EIF2B3: variants seen among roughly 807,000 people sequenced by gnomAD.
The protein encoded by EIF2B3 is translation initiation factor eIF2B subunit gamma.
A neutral mutation model predicts 54.1 loss-of-function variants in EIF2B3; 20 were observed. The ratio of observed to expected loss-of-function variants is 0.37; its 90% CI spans 0.26 to 0.54. The LOEUF (loss-of-function observed/expected upper bound fraction) is 0.54, where lower values mean the gene tolerates loss of function less well. Among genes scored for constraint, EIF2B3 ranks in the 20% least tolerant of loss-of-function variants. The probability of loss-of-function intolerance (pLI) is 0.86; values close to 1 mark genes in which losing one functional copy is unlikely to be tolerated. For synonymous variants in EIF2B3, 153 were observed against 188.1 expected, an observed-to-expected ratio of 0.81 and a Z score of 1.52; for missense variants, 448 against 547.8, an observed-to-expected ratio of 0.82 and a Z score of 1.82.
chr1:44,923,842 C>T (rs1193944283), intron 5 of EIF2B3, among the ~76,000 whole-genome samples: 1 of 151,696 alleles, frequency 6.6e-6, no homozygotes, highest in Non-Finnish European at 1.5e-5. Flanking sequence ...CTCACTCTGT[C>T]ACCCAGCCTG....
chr1:44,878,135 T>C (rs1267237329), intron 8 of EIF2B3, among the ~76,000 whole-genome samples: 1 of 152,206 alleles, frequency 6.6e-6, no homozygotes, highest in Non-Finnish European at 1.5e-5. Flanking sequence ...CTATGATTTC[T>C]CATAAGCTCT....
chr1:44,945,251 G>A lies in EIF2B3; in HGVS notation c.295-3586C>T, dbSNP rs533036424. Among the ~76,000 whole-genome samples the A allele has an allele frequency of 5.3e-3, 774 of 145,442 alleles. 4 individuals carry two copies. Among genetic ancestry groups the A allele is most frequent in the East Asian group, 8.2e-3 (41 of 4,984 alleles). ...AATTCTTTTTAGATTTTAACTCTGA[G>A]ACTAAAAAAAAAAAAAGTTCCCACT... On this transcript the variant is annotated intron_variant, in intron 3 of 11. Coordinates refer to ENST00000360403, the MANE Select transcript of EIF2B3 (RefSeq NM_020365.5).
At chr1:44,971,158 C>T (rs1000604739) in intron 3 of EIF2B3, among the ~76,000 whole-genome samples, 5 of 152,014 alleles carry the variant, frequency 3.3e-5, no homozygotes, top group African/African-American at 7.2e-5. Flanking sequence ...CCGAGGCGGG[C>T]GGATCCCGAA....
At chr1:44,930,528 G>T (rs1450037148) in intron 4 of EIF2B3, among the ~76,000 whole-genome samples, 1 of 152,230 alleles carries the variant, frequency 6.6e-6, no homozygotes, top group South Asian at 2.1e-4. Flanking sequence ...CTGCTGTCAT[G>T]CTTAGAACCT....
chr1:44,936,235 T>C lies in EIF2B3; in HGVS notation c.454+5271A>G, dbSNP rs150765888. On this transcript the variant is annotated intron_variant, in intron 4 of 11. Transcript: ENST00000360403. ...GAGAAAAAAATTTTTTTTTCAAAAG[T>C]TGGTACATTCTAGAAAATGCTAGAA... Among the ~76,000 whole-genome samples, 781 of 152,168 alleles carry C rather than the reference T, an allele frequency of 5.1e-3. 4 individuals are homozygous for C. The highest frequency in any genetic ancestry group is 8.1e-3 in the East Asian group (42 of 5,178).
intron 4 of EIF2B3, among the ~76,000 whole-genome samples, chr1:44,927,463 A>G (rs371668790): frequency 3.9e-5 from 6 of 152,104 alleles, no homozygotes; most frequent in Non-Finnish European, 7.4e-5. Context: ...CCAAGCCATG[A>G]GGGATCCGCA....
At chr1:44,885,826 C>T (rs1655561218) in intron 6 of EIF2B3, among the ~76,000 whole-genome samples, 1 of 151,984 alleles carries the variant, frequency 6.6e-6, no homozygotes, top group African/African-American at 2.4e-5. Flanking sequence ...CCTCCGCCTC[C>T]CAGGTTCAAG....
At position 44,868,613 on chromosome 1, in the gene EIF2B3, G is replaced by T. The variant is rs188237622; in HGVS notation, c.1202+6065C>A. ...AAAGTGCTGGGATTACAGGTTGCAG[G>T]TGTGACCCACTGTGTCCGGCCCTGC... On this transcript the variant is annotated intron_variant, in intron 10 of 11. Coordinates refer to ENST00000360403, the MANE Select transcript of EIF2B3 (RefSeq NM_020365.5). 2.2e-4 allele frequency among the ~76,000 whole-genome samples: 33 copies of T among 152,008 alleles called. No individual in the cohort carries two copies. The East Asian group carries it at 5.0e-3, about 23-fold the overall frequency.
At chr1:44,863,667 C>A (rs1016135901) in intron 10 of EIF2B3, among the ~76,000 whole-genome samples, 1 of 152,172 alleles carries the variant, frequency 6.6e-6, no homozygotes, top group Admixed American at 6.5e-5. Flanking sequence ...TCTTTCATCC[C>A]ATTTCCTTCC....
At chr1:44,888,552 A>G (rs1366707043) in intron 6 of EIF2B3, among the ~76,000 whole-genome samples, 1 of 152,038 alleles carries the variant, frequency 6.6e-6, no homozygotes, top group Non-Finnish European at 1.5e-5. Context: ...TCTCCTCTGT[A>G]AAGTTTTGAT....
At chr1:44,867,904 G>T (rs1317585023) in intron 10 of EIF2B3, among the ~76,000 whole-genome samples, 1 of 151,650 alleles carries the variant, frequency 6.6e-6, no homozygotes, top group African/African-American at 2.4e-5. Flanking sequence ...GCCGTGTAGT[G>T]GCACACGCCC....
intron 10 of EIF2B3, 85 bp from the exon 11 acceptor site, chr1:44,857,892 C>A: frequency 1.5e-6 from 2 of 1,322,328 alleles, no homozygotes; most frequent in South Asian, 2.4e-5. Context: ...TGGCTCCTCC[C>A]TAGGCCAGGA....
chr1:44,983,942 A>G (rs1392311008), intron 1 of EIF2B3, among the ~76,000 whole-genome samples: 11 of 151,888 alleles, frequency 7.2e-5, no homozygotes, highest in Non-Finnish European at 1.5e-5. Flanking sequence ...TCCTAACCTT[A>G]GGTGATCCAC....
In EIF2B3 at chr1:44,969,532, T is replaced by C. The variant is rs145209703; in HGVS notation, c.294+8783A>G. ...GTTTTTTACTGTTTTTTAGAAGTGA[T>C]AGTGGTATTTCTAAAAAGTGCCCTT... On this transcript the variant is annotated intron_variant, in intron 3 of 11. Coordinates refer to ENST00000360403, the MANE Select transcript of EIF2B3 (RefSeq NM_020365.5). Among the ~76,000 whole-genome samples, 918 of 152,298 alleles carry C rather than the reference T, an allele frequency of 6.0e-3. 11 individuals carry two copies. The highest frequency in any genetic ancestry group is 0.021 in the African/African-American group (876 of 41,570).
chr1:44,862,858 A>G (rs902997006), intron 10 of EIF2B3: 2 of 151,978 alleles, frequency 1.3e-5, no homozygotes, highest in Non-Finnish European at 2.9e-5. Flanking sequence ...CAGCCTCCCA[A>G]AGTGTTGGGA....
At chr1:44,851,471 T>A (rs1654269945) in intron 11 of EIF2B3, among the ~76,000 whole-genome samples, 2 of 152,198 alleles carry the variant, frequency 1.3e-5, no homozygotes, top group Admixed American at 6.5e-5. Flanking sequence ...AGAGAGCACC[T>A]TCCTATGCAG....
At chr1:44,857,832 G>C in intron 10 of EIF2B3, 25 bp from the exon 11 acceptor site, 1 of 1,609,230 alleles carries the variant, frequency 6.2e-7, no homozygotes, top group Non-Finnish European at 8.5e-7. Context: ...CCAAGTTAGG[G>C]AGGACCCAAG....
chr1:44,867,867 T>TAAAA (rs768045271), intron 10 of EIF2B3, among the ~76,000 whole-genome samples: 1 of 99,484 alleles, frequency 1.0e-5, no homozygotes, highest in African/African-American at 3.8e-5. Context: ...ATTCTGTCTC[T>TAAAA]AAAAAAAAAA....
intron 3 of EIF2B3, among the ~76,000 whole-genome samples, chr1:44,960,852 G>A (rs931569297): frequency 4.6e-5 from 7 of 152,120 alleles, no homozygotes; most frequent in Non-Finnish European, 1.0e-4. Flanking sequence ...GATACCAAAG[G>A]ACGACTGTAT....
Sources: allele counts gnomAD v4.1 joint callset (sites outside exome capture counted in the v4.1 genomes callset), GRCh38; gene constraint gnomAD v4.1.1; transcripts MANE v1.5; gene names NCBI Gene and HGNC (gene_info 2026-07-23, HGNC 2026-07-21).